The following ERC1 variants were observed in gnomAD, a reference collection of about 807,000 sequenced individuals.
ERC1 encodes RAB6 interacting protein 2.
ERC1 carries 56 observed loss-of-function variants against 132.0 expected under a neutral mutation model. The observed-to-expected ratio is 0.42, with a 90% CI of 0.34 to 0.53. ERC1 has a LOEUF of 0.53. Among genes scored for constraint, ERC1 ranks in the 20% least tolerant of loss-of-function variants. The probability of loss-of-function intolerance (pLI) is 0.03; values close to 1 mark genes in which losing one functional copy is unlikely to be tolerated. For synonymous variants in ERC1, 478 were observed against 476.1 expected (o/e 1.00, Z -0.05); for missense variants, 1,202 against 1,349.9 (o/e 0.89, Z 1.72).
chr12:1,330,442 GTAT>G (rs148204080), intron 15 of ERC1, among the ~76,000 whole-genome samples: 3 of 151,582 alleles, frequency 2.0e-5, no homozygotes, highest in Admixed American at 6.6e-5. Flanking sequence ...CCCAGTTTTT[GTAT>G]TATTATTATT....
rs765729372 is a variant in ERC1, at chr12:1,131,561, G to A, written c.1570-10059G>A. ...ACTGCAAGCTCCACCTCCCGGGTTCGCACCATTCTCCTGCCTTAGCCTCCC... is the reference window on the plus strand; with the variant it reads ...ACTGCAAGCTCCACCTCCCGGGTTCACACCATTCTCCTGCCTTAGCCTCCC... On this transcript the variant is annotated intron_variant, in intron 7 of 18. Transcript: ENST00000360905. Among the ~76,000 whole-genome samples, 6 of 152,078 alleles carry A rather than the reference G, an allele frequency of 3.9e-5. No individual in the cohort carries two copies. In the South Asian group the frequency reaches 6.2e-4, roughly 16 times the overall value.
chr12:1,390,771 C>T (rs2089893086), intron 16 of ERC1: 1 of 152,222 alleles, frequency 6.6e-6, no homozygotes, highest in African/African-American at 2.4e-5. Context: ...ATAGGTTGCC[C>T]TGCCCTAGAA....
chr12:1,487,372 A>ATTTTTTT (rs574707385), intron 18 of ERC1, among the ~76,000 whole-genome samples: 4 of 57,922 alleles, frequency 6.9e-5, no homozygotes, highest in East Asian at 6.4e-4. Context: ...AAGCATCTAG[A>ATTTTTTT]TTTTTTTTTT....
chr12:998,982 C>G (rs531661099), intron 1 of ERC1, among the ~76,000 whole-genome samples: 1 of 151,172 alleles, frequency 6.6e-6, no homozygotes, highest in African/African-American at 2.4e-5. Context: ...GCCTTAGCCT[C>G]TTGAGTAGCT....
At chr12:1,037,498 A>C (rs1195020634) in intron 2 of ERC1, among the ~76,000 whole-genome samples, 1 of 152,202 alleles carries the variant, frequency 6.6e-6, no homozygotes, top group Non-Finnish European at 1.5e-5. Context: ...TTATGAGTGC[A>C]CTGTTATGCC....
intron 15 of ERC1, among the ~76,000 whole-genome samples, chr12:1,321,440 A>G (rs921633943): frequency 7.2e-5 from 11 of 152,174 alleles, no homozygotes; most frequent in South Asian, 6.2e-4. Flanking sequence ...CTACTTGTCA[A>G]TGATGCTTTT....
chr12:1,044,470 C>T (rs1970770089), intron 2 of ERC1, among the ~76,000 whole-genome samples: 1 of 152,114 alleles, frequency 6.6e-6, no homozygotes, highest in Admixed American at 6.5e-5. Flanking sequence ...GGCAAAGAGC[C>T]TTCATGTGAA....
rs1160135390 is a variant in ERC1 at position 1,333,372 on chromosome 12, C to T, written c.2781-38461C>T. On this transcript the variant is annotated intron_variant, in intron 15 of 18. Coordinates refer to ENST00000360905, the MANE Select transcript of ERC1 (RefSeq NM_178040.4). The stretch of plus-strand genomic sequence containing the variant: ...TTTTTGAGATGGAGTCTCACTCTGT[C>T]GCCAGGCTGGAGTGCAGTGGCGCGA... Among the ~76,000 whole-genome samples, 19 of 136,312 alleles carry T rather than the reference C, an allele frequency of 1.4e-4. No homozygotes were observed. The East Asian group carries it at 3.3e-3, about 23-fold the overall frequency. The allele number at this position is 136,312 out of a possible 152,430, so 89.4% of individuals were successfully genotyped here.
intron 2 of ERC1, among the ~76,000 whole-genome samples, chr12:1,039,337 C>CAAAA (rs573363202): frequency 8.0e-5 from 9 of 113,088 alleles, no homozygotes; most frequent in Non-Finnish European, 9.4e-5. Flanking sequence ...GACGTTGTCT[C>CAAAA]AAAAAAAAAA....
chr12:1,297,020 A>G (rs1459325041), intron 15 of ERC1, among the ~76,000 whole-genome samples: 1 of 152,158 alleles, frequency 6.6e-6, no homozygotes, highest in Non-Finnish European at 1.5e-5. Flanking sequence ...GGATAAATAC[A>G]AAAAATAAAA....
intron 12 of ERC1, among the ~76,000 whole-genome samples, chr12:1,191,880 A>G (rs1197218991): frequency 6.6e-6 from 1 of 152,074 alleles, no homozygotes. Context: ...CAGCTTTCAT[A>G]ACTCAGCTTT....
chr12:1,103,565 C>G (rs1318313097), intron 3 of ERC1, among the ~76,000 whole-genome samples: 1 of 152,080 alleles, frequency 6.6e-6, no homozygotes, highest in Non-Finnish European at 1.5e-5. Context: ...GTGGAGATGG[C>G]AAGAAGTGCT....
chr12:1,009,710 T>C (rs1454962193), intron 1 of ERC1, among the ~76,000 whole-genome samples: 1 of 152,204 alleles, frequency 6.6e-6, no homozygotes. Flanking sequence ...AATTTAGTTA[T>C]ACATGTTAAT....
intron 12 of ERC1, among the ~76,000 whole-genome samples, chr12:1,216,355 C>T (rs1480002436): frequency 6.6e-6 from 1 of 151,940 alleles, no homozygotes; most frequent in Non-Finnish European, 1.5e-5. Context: ...CTTAATAGAT[C>T]TGCTTTTATT....
In ERC1 at chr12:1,418,603, CTTTCTT is replaced by C. The variant is rs1249452486; in HGVS notation, c.3024+10358_3024+10363del. 2.0e-3 allele frequency among the ~76,000 whole-genome samples: 154 copies of C among 77,634 alleles called. 1 individual carries two copies. Among genetic ancestry groups the C allele is most frequent in the Middle Eastern group, 0.014 (2 of 144 alleles). 50.9% of individuals were successfully genotyped at this position (77,634 alleles called of 152,430 possible). On this transcript the variant is annotated intron_variant, in intron 17 of 18. Coordinates refer to ENST00000360905, the MANE Select transcript of ERC1 (RefSeq NM_178040.4). ...TTTCTTTCTTTCTCTTTCTTTCTTT[CTTTCTT>C]TCTTTCTTTCTTTCTTTCTTTCTTT... is the stretch of plus-strand genomic sequence containing the variant.
intron 8 of ERC1, among the ~76,000 whole-genome samples, chr12:1,179,767 A>G (rs1954194380): frequency 6.6e-6 from 1 of 152,154 alleles, no homozygotes; most frequent in Non-Finnish European, 1.5e-5. Context: ...TCGGCCTCCC[A>G]AAGTGCTGGG....
chr12:1,132,442 C>T (rs1026077131), intron 7 of ERC1, among the ~76,000 whole-genome samples: 1 of 152,110 alleles, frequency 6.6e-6, no homozygotes, highest in African/African-American at 2.4e-5. Flanking sequence ...TTTCAGTCAC[C>T]TTTTTCGGTC....
In ERC1 at chr12:1,353,870, A is replaced by G. The variant is rs1595185069; in HGVS notation, c.2781-17963A>G. ...TTTCGAAAAACTAAATCCGATGGAA[A>G]TTTTGTATTCTTTATCTTGACCTGC... is the stretch of plus-strand genomic sequence containing the variant. On this transcript the variant is annotated intron_variant, in intron 15 of 18. Transcript: ENST00000360905. 3.3e-5 allele frequency among the ~76,000 whole-genome samples: 5 copies of G among 152,300 alleles called. No homozygotes were observed. The South Asian group carries it at 1.0e-3, about 32-fold the overall frequency.
Position 1,244,662 on chromosome 12 carries a change from C to A in ERC1, c.2487+7758C>A, listed in dbSNP as rs754634756. ...TCAGCCACCCGAGTAGCTGGGATTC[C>A]AGGCGTGTGCCACCATGCCTGGCTA... On this transcript the variant is annotated intron_variant, in intron 13 of 18. Coordinates refer to ENST00000360905, the MANE Select transcript of ERC1 (RefSeq NM_178040.4). 9.9e-6 allele frequency: 4 copies of A among 405,076 alleles called. 1 individual carries two copies. Among genetic ancestry groups the A allele is most frequent in the South Asian group, 7.2e-5 (4 of 55,774 alleles). The allele number at this position is 405,076 out of a possible 1,614,324, so 25.1% of individuals were successfully genotyped here.
Sources: gnomAD v4.1 joint callset for allele counts (sites outside exome capture counted in the v4.1 genomes callset) on GRCh38, gnomAD v4.1.1 for gene constraint, MANE v1.5 for transcripts, NCBI Gene and HGNC (gene_info 2026-07-23, HGNC 2026-07-21) for gene names.